Variants in DZANK1 observed in about 807,000 individuals in gnomAD.
DZANK1 encodes double zinc ribbon and ankyrin repeat-containing protein 1.
DZANK1 carries 91 observed loss-of-function variants against 94.5 expected under a neutral mutation model. The observed-to-expected ratio is 0.96, with a 90% confidence interval of 0.81 to 1.15. DZANK1 has a LOEUF of 1.15. Ranked by LOEUF, DZANK1 falls within the 50% of genes most tolerant of loss-of-function variation. The pLI, the probability that DZANK1 is intolerant of heterozygous loss-of-function variation, is 0.00. For synonymous variants in DZANK1, 312 were observed against 325.3 expected (o/e 0.96, Z 0.44); for missense variants, 903 against 916.4 (o/e 0.99, Z 0.19).
chr20:18,448,151 T>C (rs2058952850), intron 7 of DZANK1, among the ~76,000 whole-genome samples: 1 of 152,178 alleles, frequency 6.6e-6, no homozygotes, highest in African/African-American at 2.4e-5. Flanking sequence ...CATCAATAAG[T>C]GAATGGATAA....
intron 10 of DZANK1, among the ~76,000 whole-genome samples, chr20:18,418,724 G>T (rs2057621026): frequency 6.6e-6 from 1 of 152,060 alleles, no homozygotes; most frequent in Non-Finnish European, 1.5e-5. Context: ...GATGTTGAAA[G>T]AAGCAAACCA....
At chr20:18,446,957 T>A (rs1216491849) in intron 7 of DZANK1, among the ~76,000 whole-genome samples, 4 of 152,170 alleles carry the variant, frequency 2.6e-5, no homozygotes, top group African/African-American at 9.7e-5. Context: ...TTTTAGCAAA[T>A]CAAATTCAAC....
At position 18,385,103 on chromosome 20, in the gene DZANK1, GA is replaced by G. The variant is rs1419279704; in HGVS notation, c.2019-14del. ...TGTATTTCTGAGCCTAATGAGGGGG[GA>G]AAAATCCTGGATAAATCCTTAGTTA... On this transcript the variant is annotated splice_polypyrimidine_tract_variant and intron_variant, in intron 19 of 20. Coordinates refer to ENST00000262547, the Ensembl canonical transcript of DZANK1. The G allele has an allele frequency of 2.6e-6, 4 of 1,551,666 alleles. No individual in the cohort carries two copies. Among genetic ancestry groups the G allele is most frequent in the East Asian group, 2.4e-5 (1 of 40,964 alleles).
rs761348934 is a variant in DZANK1, at chr20:18,385,115, A to T, written c.2019-25T>A. On this transcript the variant is annotated intron_variant, in intron 19 of 20. Coordinates refer to ENST00000262547, the Ensembl canonical transcript of DZANK1. ...CCTAATGAGGGGGGAAAAATCCTGG[A>T]TAAATCCTTAGTTAGCATCATCAGG... 1.9e-6 allele frequency: 3 copies of T among 1,550,036 alleles called. No individual in the cohort carries two copies. In the African/African-American group the frequency reaches 4.1e-5, roughly 21 times the overall value.
chr20:18,442,802 A>G (rs1451313180), intron 8 of DZANK1, among the ~76,000 whole-genome samples: 1 of 151,778 alleles, frequency 6.6e-6, no homozygotes, highest in Non-Finnish European at 1.5e-5. Context: ...AAAGATGAAC[A>G]CATTTTGGTG....
At chr20:18,431,414 G>A (rs2058280151) in intron 9 of DZANK1, among the ~76,000 whole-genome samples, 1 of 152,224 alleles carries the variant, frequency 6.6e-6, no homozygotes, top group South Asian at 2.1e-4. Flanking sequence ...TCAATGGCAT[G>A]CTGCCGCCTG....
At chr20:18,387,746 G>C (rs2048593283) in intron 19 of DZANK1, among the ~76,000 whole-genome samples, 1 of 152,176 alleles carries the variant, frequency 6.6e-6, no homozygotes, top group Non-Finnish European at 1.5e-5. Flanking sequence ...CATTCTGGTA[G>C]GAATGATACA....
intron 10 of DZANK1, among the ~76,000 whole-genome samples, chr20:18,424,125 A>G (rs541363862): frequency 5.9e-5 from 9 of 152,308 alleles, no homozygotes; most frequent in Non-Finnish European, 1.2e-4. Flanking sequence ...ATACATTAAA[A>G]TGGTAAAAAG....
chr20:18,426,591 A>G (rs1440531746), intron 10 of DZANK1, among the ~76,000 whole-genome samples: 1 of 152,266 alleles, frequency 6.6e-6, no homozygotes, highest in East Asian at 1.9e-4. Context: ...CCGTATTTAA[A>G]GTGCATATAC....
chr20:18,425,741 G>A (rs1199197474), intron 10 of DZANK1, among the ~76,000 whole-genome samples: 1 of 152,124 alleles, frequency 6.6e-6, no homozygotes, highest in African/African-American at 2.4e-5. Context: ...TGTGACTGGT[G>A]TCCTTATGAA....
intron 6 of DZANK1, among the ~76,000 whole-genome samples, chr20:18,451,442 CT>C (rs1487851292): frequency 6.6e-6 from 1 of 152,206 alleles, no homozygotes; most frequent in African/African-American, 2.4e-5. Context: ...TCCTCCTCCC[CT>C]GCTCAACCTC....
At chr20:18,407,449 A>C (rs562479370) in intron 13 of DZANK1, among the ~76,000 whole-genome samples, 2 of 152,324 alleles carry the variant, frequency 1.3e-5, no homozygotes, top group African/African-American at 4.8e-5. Context: ...CCCAAGAACA[A>C]TAGGCACAAA....
chr20:18,460,022 G>A (rs1380143597), intron 3 of DZANK1, 131 bp downstream of exon 3: 9 of 670,738 alleles, frequency 1.3e-5, no homozygotes, highest in Non-Finnish European at 1.8e-5. Flanking sequence ...ACATACATAT[G>A]CTGAAATTAA....
Position 18,412,834 on chromosome 20 carries a change from G to A in DZANK1, c.1244C>T (p.Ser415Phe), listed in dbSNP as rs1415981204. ...AGATCTGGGCAAAGGAATATTCAGGGACTGCCAGGCACATCGGGGCCATGC... is the reference window on the plus strand; with the variant it reads ...AGATCTGGGCAAAGGAATATTCAGGAACTGCCAGGCACATCGGGGCCATGC... Residue 415 changes from serine (S) to phenylalanine (F), a missense_variant and splice_region_variant, in exon 13 of 21, where the codon TCC becomes TTC. Ser to Phe is a radical substitution (Grantham distance 155). Coordinates refer to ENST00000262547, the Ensembl canonical transcript of DZANK1. 5 of 1,613,810 alleles carry A rather than the reference G, an allele frequency of 3.1e-6. No homozygotes were observed. Among genetic ancestry groups the A allele is most frequent in the South Asian group, 1.1e-5 (1 of 91,064 alleles).
At chr20:18,430,466 T>C (rs2058238314) in intron 9 of DZANK1, among the ~76,000 whole-genome samples, 1 of 152,244 alleles carries the variant, frequency 6.6e-6, no homozygotes. Context: ...TAAATGTTTT[T>C]AGTTAACATC....
intron 7 of DZANK1, among the ~76,000 whole-genome samples, chr20:18,445,001 G>T (rs1435666298): frequency 6.6e-6 from 1 of 151,882 alleles, no homozygotes. Flanking sequence ...TAGAGATGGG[G>T]TTTCACTGTG....
intron 15 of DZANK1, among the ~76,000 whole-genome samples, chr20:18,396,230 GACTTCAGTGAGT>G (rs1568885619): frequency 6.6e-6 from 1 of 152,208 alleles, no homozygotes; most frequent in Non-Finnish European, 1.5e-5. Context: ...CATGCCATCA[GACTTCAGTGAGT>G]CTGAATAAGC....
At chr20:18,433,946 G>T in intron 8 of DZANK1, 181 bp from the exon 9 acceptor site, 1 of 552,274 alleles carries the variant, frequency 1.8e-6, no homozygotes. Flanking sequence ...AGTTTGATTT[G>T]TTTTTGTAAA....
chr20:18,401,100 C>G (rs776251102), intron 13 of DZANK1, among the ~76,000 whole-genome samples: 11 of 152,088 alleles, frequency 7.2e-5, no homozygotes, highest in Non-Finnish European at 1.5e-4. Context: ...CCACACCTGG[C>G]TAATTTTTGT....
Sources: gnomAD v4.1 joint callset for allele counts (sites outside exome capture counted in the v4.1 genomes callset) on GRCh38, gnomAD v4.1.1 for gene constraint, MANE v1.5 for transcripts, NCBI Gene and HGNC (gene_info 2026-07-23, HGNC 2026-07-21) for gene names.